CLMP: variants seen among roughly 807,000 people sequenced by gnomAD.
CLMP encodes CXADR-like membrane protein.
In CLMP, 27 loss-of-function variants were observed where a neutral mutation model predicts 45.2. That is an observed-to-expected ratio of 0.60 (90% CI 0.44 to 0.82). The LOEUF is 0.82. Among genes scored for constraint, CLMP ranks in the 40% least tolerant of loss-of-function variants. The probability of loss-of-function intolerance (pLI) is 0.00; values close to 1 mark genes in which losing one functional copy is unlikely to be tolerated. For synonymous variants in CLMP, 167 were observed against 171.4 expected (o/e 0.97, Z 0.20); for missense variants, 403 against 448.4 (o/e 0.90, Z 0.91).
At chr11:123,100,064 A>G (rs1049108495) in intron 1 of CLMP, among the ~76,000 whole-genome samples, 3 of 152,128 alleles carry the variant, frequency 2.0e-5, no homozygotes, top group African/African-American at 7.2e-5. Context: ...GAGGAGAAAG[A>G]AAAAGGATTC....
At chr11:123,144,736 G>T (rs935710926) in intron 1 of CLMP, among the ~76,000 whole-genome samples, 15 of 152,330 alleles carry the variant, frequency 9.8e-5, no homozygotes, top group African/African-American at 3.6e-4. Flanking sequence ...TGACAGAAAA[G>T]AAGTCATATA....
At position 123,071,956 on chromosome 11, in the gene CLMP, A is replaced by G. The variant is rs1334002946; in HGVS notation, c.*1518T>C. 2 of 152,190 alleles carry G rather than the reference A, an allele frequency of 1.3e-5. No individual in the cohort carries two copies. Among genetic ancestry groups the G allele is most frequent in the Non-Finnish European group, 2.9e-5 (2 of 68,040 alleles). The allele number at this position is 152,190 out of a possible 1,614,324, so 9.4% of individuals were successfully genotyped here. On this transcript the variant is annotated 3_prime_UTR_variant, in exon 7 of 7. Coordinates refer to ENST00000448775, the MANE Select transcript of CLMP (RefSeq NM_024769.5). ...TATCCTGGTGAGTTATTTTTGCTAA[A>G]TCTTTCCAAGATACAACTAAAATGT...
chr11:123,185,364 GGGCAGGCCAATTT>G lies in CLMP; in HGVS notation c.28+9536_28+9548del, dbSNP rs555314987. Among the ~76,000 whole-genome samples the G allele has an allele frequency of 3.7e-3, 557 of 152,234 alleles. 6 individuals are homozygous for G. Among genetic ancestry groups the G allele is most frequent in the African/African-American group, 0.013 (527 of 41,548 alleles). On this transcript the variant is annotated intron_variant, in intron 1 of 6. Coordinates refer to ENST00000448775, the MANE Select transcript of CLMP (RefSeq NM_024769.5). ...CTGTCTTGTTAAGTGCCAGATCTGAGGGCAGGCCAATTTGGCGCCAGGGGAGAGAGAGAGAGAG... is the reference window on the plus strand; with the variant it reads ...CTGTCTTGTTAAGTGCCAGATCTGAGGGCGCCAGGGGAGAGAGAGAGAGAG...
At chr11:123,114,231 T>A (rs1860687136) in intron 1 of CLMP, among the ~76,000 whole-genome samples, 1 of 152,214 alleles carries the variant, frequency 6.6e-6, no homozygotes, top group South Asian at 2.1e-4. Flanking sequence ...GAGATTATGT[T>A]GATAATTAAA....
At position 123,083,863 on chromosome 11, in the gene CLMP, A is replaced by G. The variant is rs762652620; in HGVS notation, c.389-16T>C. 8 of 1,612,002 alleles carry G rather than the reference A, an allele frequency of 5.0e-6. No individual in the cohort carries two copies. Among genetic ancestry groups the G allele is most frequent in the African/African-American group, 1.3e-5 (1 of 74,996 alleles). On this transcript the variant is annotated splice_polypyrimidine_tract_variant and intron_variant, in intron 3 of 6. Coordinates refer to ENST00000448775, the MANE Select transcript of CLMP (RefSeq NM_024769.5). ...GATGGTCTCACTGGCAACAGCAACA[A>G]CAAGCAAAAGTGTAGTGATTCAAAG...
At chr11:123,151,863 T>C (rs1861340865) in intron 1 of CLMP, among the ~76,000 whole-genome samples, 1 of 152,192 alleles carries the variant, frequency 6.6e-6, no homozygotes, top group Non-Finnish European at 1.5e-5. Flanking sequence ...TGGTTTCCTC[T>C]AAGGCATTTT....
intron 1 of CLMP, among the ~76,000 whole-genome samples, chr11:123,114,424 TTCCC>T (rs1286745418): frequency 2.6e-4 from 32 of 124,896 alleles, no homozygotes; most frequent in Non-Finnish European, 3.2e-4. Flanking sequence ...TGCATTTTCT[TTCCC>T]TCCCTCCCTC....
chr11:123,166,852 G>A (rs1004591057), intron 1 of CLMP, among the ~76,000 whole-genome samples: 4 of 152,176 alleles, frequency 2.6e-5, no homozygotes, highest in Admixed American at 6.5e-5. Context: ...GGATTTGATC[G>A]TTACGTATCA....
intron 1 of CLMP, among the ~76,000 whole-genome samples, chr11:123,114,179 A>G (rs1010172819): frequency 3.3e-5 from 5 of 152,214 alleles, no homozygotes; most frequent in Non-Finnish European, 5.9e-5. Context: ...ACTATGAAAA[A>G]GAAAATAATC....
At chr11:123,129,191 G>A (rs1420671042) in intron 1 of CLMP, among the ~76,000 whole-genome samples, 9 of 151,858 alleles carry the variant, frequency 5.9e-5, no homozygotes, top group South Asian at 4.1e-4. Flanking sequence ...TTAGTTTGGC[G>A]TGGTGGTGGG....
intron 1 of CLMP, among the ~76,000 whole-genome samples, chr11:123,151,014 A>G (rs755189004): frequency 1.3e-5 from 2 of 152,070 alleles, no homozygotes; most frequent in Non-Finnish European, 2.9e-5. Flanking sequence ...GGGTCTTTCC[A>G]TCTTATCTCA....
At chr11:123,102,340 G>A (rs1052992667) in intron 1 of CLMP, among the ~76,000 whole-genome samples, 1 of 146,398 alleles carries the variant, frequency 6.8e-6, no homozygotes, top group African/African-American at 2.5e-5. Context: ...GAGTGCAGTG[G>A]CACAATCTTG....
At chr11:123,125,626 CAG>C (rs1286624348) in intron 1 of CLMP, among the ~76,000 whole-genome samples, 8 of 143,226 alleles carry the variant, frequency 5.6e-5, no homozygotes, top group Non-Finnish European at 1.2e-4. Flanking sequence ...TTTTTTGAGA[CAG>C]AGTCTTGCTC....
intron 5 of CLMP, among the ~76,000 whole-genome samples, chr11:123,078,037 C>T (rs771168340): frequency 7.9e-5 from 12 of 151,400 alleles, no homozygotes; most frequent in Non-Finnish European, 1.8e-4. Context: ...ACCTGGGAGG[C>T]GGAGGTTGCA....
intron 1 of CLMP, among the ~76,000 whole-genome samples, chr11:123,159,510 C>A (rs549799759): frequency 1.3e-5 from 2 of 152,334 alleles, no homozygotes; most frequent in East Asian, 3.9e-4. Flanking sequence ...ACATGAGAAC[C>A]TGTCACTTAC....
At chr11:123,165,926 G>A (rs1292979783) in intron 1 of CLMP, among the ~76,000 whole-genome samples, 2 of 152,146 alleles carry the variant, frequency 1.3e-5, no homozygotes, top group Non-Finnish European at 1.5e-5. Flanking sequence ...ACACTGTCAA[G>A]CCATCTTTCA....
In CLMP at chr11:123,116,394, C is replaced by T. The variant is rs377199998; in HGVS notation, c.29-18442G>A. Among the ~76,000 whole-genome samples the T allele has an allele frequency of 1.8e-3, 270 of 151,976 alleles. 2 individuals carry two copies. Among genetic ancestry groups the T allele is most frequent in the African/African-American group, 6.3e-3 (262 of 41,468 alleles). On this transcript the variant is annotated intron_variant, in intron 1 of 6. Transcript: ENST00000448775. ...GCAGCCTGGCCAACATGATGAAACC[C>T]TGTGTATACTAAAAGTACAAAAAAT...
At chr11:123,147,755 G>C (rs934292442) in intron 1 of CLMP, among the ~76,000 whole-genome samples, 3 of 152,072 alleles carry the variant, frequency 2.0e-5, no homozygotes, top group Admixed American at 6.5e-5. Flanking sequence ...TCAGGAAACA[G>C]TTGTTGAAGA....
chr11:123,119,694 GT>G (rs112632000), intron 1 of CLMP, among the ~76,000 whole-genome samples: 7 of 149,286 alleles, frequency 4.7e-5, no homozygotes, highest in Non-Finnish European at 8.9e-5. Flanking sequence ...TTATTTTGTT[GT>G]TTTTTTTTTG....
Sources: allele counts gnomAD v4.1 joint callset (sites outside exome capture counted in the v4.1 genomes callset), GRCh38; gene constraint gnomAD v4.1.1; transcripts MANE v1.5; gene names NCBI Gene and HGNC (gene_info 2026-07-23, HGNC 2026-07-21).